YJEFN3: variants seen among roughly 807,000 people sequenced by gnomAD.
YJEFN3 encodes yjeF N-terminal domain-containing protein 3.
Under a neutral mutation model 31.5 loss-of-function variants are expected in YJEFN3, and 29 were observed. The ratio of observed to expected loss-of-function variants is 0.92; its 90% confidence interval spans 0.69 to 1.26. The LOEUF is 1.26. Ranked by LOEUF, YJEFN3 falls within the 50% of genes most tolerant of loss-of-function variation. The pLI, the probability that YJEFN3 is intolerant of heterozygous loss-of-function variation, is 0.00. For missense variants in YJEFN3, 442 were observed against 425.4 expected (o/e 1.04, Z -0.34); for synonymous variants, 227 against 196.1 (o/e 1.16, Z -1.32).
At chr19:19,533,027 TG>T in intron 3 of YJEFN3, 1 of 1,201,420 alleles carries the variant, frequency 8.3e-7, no homozygotes. Context: ...CGCCTGCTTC[TG>T]CCACCTCCTG....
chr19:19,529,516 T>A lies in YJEFN3; in HGVS notation c.209+3T>A, dbSNP rs1555727767. 1.2e-6 allele frequency: 2 copies of A among 1,612,834 alleles called. No homozygotes were observed. The highest frequency in any genetic ancestry group is 1.7e-6 in the Non-Finnish European group (2 of 1,179,394). On this transcript the variant is annotated splice_donor_region_variant and intron_variant, in intron 2 of 6. Transcript: ENST00000514277. Reference sequence around the variant, plus strand: ...AACGCAGGGCCTGTTTGCCAGAGGTTGGTGAGTTTGGGATCTAGAACTGGC... The same window carrying A: ...AACGCAGGGCCTGTTTGCCAGAGGTAGGTGAGTTTGGGATCTAGAACTGGC...
chr19:19,533,640 C>T (rs2061180006), intron 3 of YJEFN3: 1 of 984,144 alleles, frequency 1.0e-6, no homozygotes, highest in Non-Finnish European at 1.2e-6. Context: ...CCCTCCTCAC[C>T]CCTCCTCCTC....
chr19:19,536,061 G>A (rs951209900), intron 6 of YJEFN3: 6 of 515,556 alleles, frequency 1.2e-5, no homozygotes, highest in South Asian at 5.2e-5. Context: ...CGGACCCTCC[G>A]TGGGGGTGGC....
chr19:19,529,021 G>C, intron 1 of YJEFN3, 30 bp downstream of exon 1: 1 of 1,549,794 alleles, frequency 6.5e-7, no homozygotes, highest in Non-Finnish European at 8.7e-7. Context: ...GCTGGAGACG[G>C]GCATGGTTCC....
rs779690002 is a variant in YJEFN3, at chr19:19,535,084, G to T, written c.369G>T (p.Val123=). Residue 123 remains valine, a synonymous_variant, in exon 4 of 7, where the codon GTG becomes GTT. Coordinates refer to ENST00000514277, the MANE Select transcript of YJEFN3 (RefSeq NM_198537.4). ...LSRKQRTVLV[V]CGPEQNGAVG... is the part of the protein sequence containing the mutation. ...GGAAGCAGAGGACGGTGCTGGTCGTGTGTGGCCCGGAGCAGAACGGGGCAG... is the reference window on the plus strand; with the variant it reads ...GGAAGCAGAGGACGGTGCTGGTCGTTTGTGGCCCGGAGCAGAACGGGGCAG... 6.8e-6 allele frequency: 11 copies of T among 1,612,016 alleles called. No homozygotes were observed. The highest frequency in any genetic ancestry group is 4.4e-5 in the South Asian group (4 of 90,860).
chr19:19,533,332 G>A (rs1865562156), intron 3 of YJEFN3: 3 of 985,576 alleles, frequency 3.0e-6, no homozygotes, highest in South Asian at 9.4e-5. Context: ...AAATGGTACT[G>A]ACGAGTCAGT....
intron 2 of YJEFN3, among the ~76,000 whole-genome samples, chr19:19,531,115 CCTT>C (rs1482440197): frequency 1.3e-5 from 2 of 152,232 alleles, no homozygotes; most frequent in African/African-American, 4.8e-5. Flanking sequence ...TAGCAGTCCT[CCTT>C]CTCCTGCACT....
intron 2 of YJEFN3, 70 bp downstream of exon 2, chr19:19,529,583 G>T: frequency 1.3e-6 from 2 of 1,562,970 alleles, no homozygotes; most frequent in Non-Finnish European, 1.7e-6. Context: ...CAGCCTTTGT[G>T]ACATGGGACC....
chr19:19,536,423 G>A (rs2144669469), intron 6 of YJEFN3, among the ~76,000 whole-genome samples: 1 of 152,304 alleles, frequency 6.6e-6, no homozygotes, highest in Admixed American at 6.5e-5. Flanking sequence ...GGTCACACCT[G>A]TAATCCCAGC....
chr19:19,532,855 C>T (rs1013915585), intron 3 of YJEFN3, 115 bp downstream of exon 3: 1 of 1,083,710 alleles, frequency 9.2e-7, no homozygotes, highest in Non-Finnish European at 1.3e-6. Context: ...TTTGCTTGGG[C>T]CTACCCCAGC....
chr19:19,533,898 G>A lies in YJEFN3; in HGVS notation c.319-1136G>A, dbSNP rs1423042797. Reference sequence around the variant, plus strand: ...CCTCAGTCCCAGTCTTGGGTCTTGGGCTCTGGGCCCGGTGTGGCTGGGATC... The same window carrying A: ...CCTCAGTCCCAGTCTTGGGTCTTGGACTCTGGGCCCGGTGTGGCTGGGATC... On this transcript the variant is annotated intron_variant, in intron 3 of 6. Coordinates refer to ENST00000514277, the MANE Select transcript of YJEFN3 (RefSeq NM_198537.4). The A allele has an allele frequency of 1.7e-5, 17 of 985,560 alleles. No individual in the cohort carries two copies. In the East Asian group the frequency reaches 1.8e-3, roughly 105 times the overall value. The allele number at this position is 985,560 out of a possible 1,614,324, so 61.1% of individuals were successfully genotyped here.
chr19:19,533,073 C>T, intron 3 of YJEFN3: 1 of 1,114,850 alleles, frequency 9.0e-7, no homozygotes, highest in Non-Finnish European at 1.1e-6. Context: ...CTCCTGCGAT[C>T]TGAACACCCC....
chr19:19,533,487 CCTTT>C lies in YJEFN3; in HGVS notation c.318+750_318+753del, dbSNP rs771862356. On this transcript the variant is annotated intron_variant, in intron 3 of 6. Transcript: ENST00000514277. ...TGCCCCCTCCTCTTACCCTCCTCCTCCTTTCTCTCTCCCTCCTCCTCCCCTTCCG... is the reference window on the plus strand; with the variant it reads ...TGCCCCCTCCTCTTACCCTCCTCCTCCTCTCTCCCTCCTCCTCCCCTTCCG... The C allele has an allele frequency of 5.8e-4, 518 of 895,512 alleles. 2 individuals are homozygous for C. The highest frequency in any genetic ancestry group is 2.5e-3 in the South Asian group (48 of 18,928). 55.5% of individuals were successfully genotyped at this position (895,512 alleles called of 1,614,324 possible).
At chr19:19,535,186 C>T (rs879103951) in intron 4 of YJEFN3, 42 bp downstream of exon 4, 2 of 1,553,288 alleles carry the variant, frequency 1.3e-6, no homozygotes, top group South Asian at 2.4e-5. Flanking sequence ...AGTCCCTGCC[C>T]CTGCAGAAAT....
chr19:19,533,130 C>T (rs561414752), intron 3 of YJEFN3: 1,031 of 1,015,474 alleles, frequency 1.0e-3, no homozygotes, highest in Non-Finnish European at 1.2e-3. Context: ...TCAGAGGTGG[C>T]GAGGGGCCTG....
At chr19:19,537,261 T>TA (rs1199798432) in intron 6 of YJEFN3, 58 bp from the exon 7 acceptor site, 1 of 1,467,598 alleles carries the variant, frequency 6.8e-7, no homozygotes, top group Non-Finnish European at 9.1e-7. Context: ...GGATGGACTC[T>TA]AGGCTGAGGG....
chr19:19,533,295 C>T, intron 3 of YJEFN3: 2 of 985,848 alleles, frequency 2.0e-6, no homozygotes, highest in Non-Finnish European at 2.4e-6. Flanking sequence ...CAGTGCTGGG[C>T]ATCAGTTTCC....
chr19:19,536,892 C>A (rs1236286874), intron 6 of YJEFN3, among the ~76,000 whole-genome samples: 1 of 152,100 alleles, frequency 6.6e-6, no homozygotes, highest in Non-Finnish European at 1.5e-5. Context: ...ATTGCTTGAA[C>A]CCGTGTGGCA....
At chr19:19,531,878 G>A (rs2061160335) in intron 2 of YJEFN3, among the ~76,000 whole-genome samples, 1 of 151,592 alleles carries the variant, frequency 6.6e-6, no homozygotes, top group African/African-American at 2.4e-5. Flanking sequence ...AGCTCGTACT[G>A]CAGGCACCCA....
Sources: gnomAD v4.1 joint callset for allele counts (sites outside exome capture counted in the v4.1 genomes callset) on GRCh38, gnomAD v4.1.1 for gene constraint, MANE v1.5 for transcripts, NCBI Gene and HGNC (gene_info 2026-07-23, HGNC 2026-07-21) for gene names.